The following CSNK2A2IP variants were observed in gnomAD, a reference collection of about 807,000 sequenced individuals.
CSNK2A2IP encodes the protein casein kinase II subunit alpha'-interacting protein.
At chr3:88,456,703 T>A in the CSNK2A2IP span, among the ~76,000 whole-genome samples, 1 of 149,692 alleles carries the variant, frequency 6.7e-6, no homozygotes, top group South Asian at 2.1e-4. Context: ...CAGAACCATT[T>A]GAAAATACTG....
At chr3:88,402,020 A>G in the CSNK2A2IP span, among the ~76,000 whole-genome samples, 2 of 142,222 alleles carry the variant, frequency 1.4e-5, no homozygotes, top group Non-Finnish European at 1.5e-5. Context: ...GCAATCTGCT[A>G]TGTCTTTTTT....
At chr3:88,390,234 C>G in the CSNK2A2IP span, among the ~76,000 whole-genome samples, 8 of 152,208 alleles carry the variant, frequency 5.3e-5, no homozygotes, top group East Asian at 1.2e-3. Context: ...ATGAGGCTGG[C>G]AAACAGACCA....
At chr3:88,457,428 G>T in the CSNK2A2IP span, among the ~76,000 whole-genome samples, 7 of 151,874 alleles carry the variant, frequency 4.6e-5, no homozygotes, top group Admixed American at 4.6e-4. Flanking sequence ...GGGTATGGTG[G>T]CTCACCCCTG....
At chr3:88,464,031 G>A in the CSNK2A2IP span, among the ~76,000 whole-genome samples, 1 of 151,754 alleles carries the variant, frequency 6.6e-6, no homozygotes, top group Non-Finnish European at 1.5e-5. Context: ...GATGAAGCTG[G>A]AAAACATCAT....
chr3:88,444,195 A>G, the CSNK2A2IP span, among the ~76,000 whole-genome samples: 1 of 152,152 alleles, frequency 6.6e-6, no homozygotes, highest in Non-Finnish European at 1.5e-5. Flanking sequence ...TGACTTAAAG[A>G]AATATTCTAC....
chr3:88,426,305 C>T, the CSNK2A2IP span, among the ~76,000 whole-genome samples: 5 of 152,096 alleles, frequency 3.3e-5, no homozygotes, highest in Non-Finnish European at 5.9e-5. Context: ...TGGCAAGTGT[C>T]TGTTTAGATA....
chr3:88,403,793 T>TA, the CSNK2A2IP span, among the ~76,000 whole-genome samples: 1 of 152,152 alleles, frequency 6.6e-6, no homozygotes, highest in Non-Finnish European at 1.5e-5. Flanking sequence ...AGCATAATTC[T>TA]AAATTGTTTT....
the CSNK2A2IP span, among the ~76,000 whole-genome samples, chr3:88,345,162 A>T: frequency 6.6e-6 from 1 of 151,972 alleles, no homozygotes; most frequent in African/African-American, 2.4e-5. Context: ...CCAAGTTCTC[A>T]CTGCTTAGCT....
At chr3:88,426,094 T>G in the CSNK2A2IP span, among the ~76,000 whole-genome samples, 1 of 152,184 alleles carries the variant, frequency 6.6e-6, no homozygotes, top group South Asian at 2.1e-4. Context: ...GTAAAAATAG[T>G]CTTTTCCACA....
chr3:88,362,943 G>GC, the CSNK2A2IP span, among the ~76,000 whole-genome samples: 4 of 152,138 alleles, frequency 2.6e-5, no homozygotes, highest in African/African-American at 9.7e-5. Context: ...TGCGGCCACT[G>GC]CAGCTAACGT....
chr3:88,460,626 C>T, the CSNK2A2IP span, among the ~76,000 whole-genome samples: 1 of 152,136 alleles, frequency 6.6e-6, no homozygotes, highest in African/African-American at 2.4e-5. Flanking sequence ...AATACACATA[C>T]TGTAAGTGTT....
At chr3:88,377,851 TA>T in the CSNK2A2IP span, among the ~76,000 whole-genome samples, 1 of 151,900 alleles carries the variant, frequency 6.6e-6, no homozygotes, top group African/African-American at 2.4e-5. Context: ...AAAGACTCTT[TA>T]GGTCTACACA....
the CSNK2A2IP span, among the ~76,000 whole-genome samples, chr3:88,391,295 T>A: frequency 1.7e-4 from 26 of 152,218 alleles, no homozygotes; most frequent in Non-Finnish European, 2.2e-4. Context: ...TTTTTTGCAC[T>A]GTTGAATTAT....
chr3:88,447,433 A>T, the CSNK2A2IP span, among the ~76,000 whole-genome samples: 1 of 152,118 alleles, frequency 6.6e-6, no homozygotes, highest in African/African-American at 2.4e-5. Context: ...AAAAATATAA[A>T]TTTTTAAAAA....
At chr3:88,444,150 AC>A in the CSNK2A2IP span, among the ~76,000 whole-genome samples, 1 of 152,138 alleles carries the variant, frequency 6.6e-6, no homozygotes, top group African/African-American at 2.4e-5. Flanking sequence ...AAGTTAATGT[AC>A]CTCTGTTCAT....
the CSNK2A2IP span, among the ~76,000 whole-genome samples, chr3:88,400,433 A>T: frequency 6.6e-6 from 1 of 152,146 alleles, no homozygotes; most frequent in Non-Finnish European, 1.5e-5. Flanking sequence ...CCATGTGCTA[A>T]TTTCTCAAAC....
At chr3:88,413,222 A>T in the CSNK2A2IP span, among the ~76,000 whole-genome samples, 2 of 152,014 alleles carry the variant, frequency 1.3e-5, no homozygotes, top group African/African-American at 2.4e-5. Context: ...TTTGACCTGA[A>T]TCTAATGTTG....
chr3:88,405,372 G>A, the CSNK2A2IP span, among the ~76,000 whole-genome samples: 1 of 152,242 alleles, frequency 6.6e-6, no homozygotes, highest in South Asian at 2.1e-4. Flanking sequence ...CCTCCGGTGA[G>A]CTTAGGCAGG....
chr3:88,414,270 GTTTTTTTTTTTTT>G, the CSNK2A2IP span, among the ~76,000 whole-genome samples: 166 of 64,092 alleles, frequency 2.6e-3, 4 homozygotes, highest in East Asian at 0.023. Flanking sequence ...TACCAACAAA[GTTTTTTTTTTTTT>G]TTTTTTTTTT....
Sources: allele counts gnomAD v4.1 joint callset (sites outside exome capture counted in the v4.1 genomes callset), GRCh38; gene constraint gnomAD v4.1.1; transcripts MANE v1.5; gene names NCBI Gene and HGNC (gene_info 2026-07-23, HGNC 2026-07-21).